Variants in FAM118A observed in about 807,000 individuals in gnomAD.
The protein encoded by FAM118A is SIR2 antiphage like 2.
In FAM118A, 25 loss-of-function variants were observed where a neutral mutation model predicts 38.2. That is an observed-to-expected ratio of 0.65 (90% CI 0.48 to 0.91). FAM118A has a LOEUF of 0.91. Among genes scored for constraint, FAM118A ranks in the 40% least tolerant of loss-of-function variants. FAM118A has a pLI of 0.00. For missense variants in FAM118A, 425 were observed against 463.3 expected, an observed-to-expected ratio of 0.92 and a Z score of 0.76; for synonymous variants, 178 against 184.1, an observed-to-expected ratio of 0.97 and a Z score of 0.27.
At chr22:45,315,029 C>A (rs189981780) in intron 1 of FAM118A, among the ~76,000 whole-genome samples, 1 of 152,176 alleles carries the variant, frequency 6.6e-6, no homozygotes, top group African/African-American at 2.4e-5. Context: ...TGAGATAGTG[C>A]GTGTAAAACG....
chr22:45,336,533 C>G (rs1569157395), intron 8 of FAM118A, 122 bp downstream of exon 8: 3 of 699,326 alleles, frequency 4.3e-6, no homozygotes, highest in East Asian at 2.8e-5. Flanking sequence ...TGCATACGTT[C>G]TGTCAGGGCC....
chr22:45,323,827 G>GA, intron 3 of FAM118A, among the ~76,000 whole-genome samples: 1 of 152,354 alleles, frequency 6.6e-6, no homozygotes, highest in South Asian at 2.1e-4. Context: ...GAAGATGGGA[G>GA]AAGTTCCAGC....
chr22:45,317,835 G>A lies in FAM118A; in HGVS notation c.-9-4536G>A, dbSNP rs374985804. 3.9e-5 allele frequency among the ~76,000 whole-genome samples: 6 copies of A among 152,308 alleles called. No homozygotes were observed. The East Asian group carries it at 5.8e-4, about 15-fold the overall frequency. The stretch of plus-strand genomic sequence containing the variant: ...GAGCTCTGCAGGGCAGAATTCCACC[G>A]GGACAGGCTCTGTCGTAAAGGGTGT... On this transcript the variant is annotated intron_variant, in intron 1 of 8. Transcript: ENST00000441876.
At chr22:45,310,991 T>C (rs530436186) in intron 1 of FAM118A, among the ~76,000 whole-genome samples, 1 of 152,312 alleles carries the variant, frequency 6.6e-6, no homozygotes, top group East Asian at 1.9e-4. Flanking sequence ...CGGTCCCTGC[T>C]GTCAGGGCCT....
intron 3 of FAM118A, among the ~76,000 whole-genome samples, chr22:45,323,722 A>G (rs931441945): frequency 2.6e-5 from 4 of 152,218 alleles, no homozygotes; most frequent in Admixed American, 6.5e-5. Context: ...TTGTGATTGT[A>G]TATTCACTTA....
intron 1 of FAM118A, among the ~76,000 whole-genome samples, chr22:45,320,139 T>G (rs1164067156): frequency 6.6e-6 from 1 of 152,210 alleles, no homozygotes; most frequent in Non-Finnish European, 1.5e-5. Context: ...TGGCTGGGTG[T>G]GTGTGTGTGA....
intron 6 of FAM118A, among the ~76,000 whole-genome samples, chr22:45,333,146 T>C (rs1434718487): frequency 6.6e-6 from 1 of 152,224 alleles, no homozygotes; most frequent in Non-Finnish European, 1.5e-5. Context: ...CAGTCTTCGT[T>C]ATTATTTTTT....
At chr22:45,323,075 G>T in intron 2 of FAM118A, 100 bp from the exon 3 acceptor site, 1 of 1,275,684 alleles carries the variant, frequency 7.8e-7, no homozygotes, top group Non-Finnish European at 1.1e-6. Context: ...GTGTGTGTGT[G>T]TACACAGCAC....
intron 3 of FAM118A, 71 bp from the exon 4 acceptor site, chr22:45,327,771 A>C: frequency 6.7e-7 from 1 of 1,497,546 alleles, no homozygotes; most frequent in Non-Finnish European, 9.2e-7. Context: ...CACCCAGAAA[A>C]TGGCCTGCTT....
chr22:45,340,425 G>A lies in FAM118A; in HGVS notation c.*20G>A. The A allele has an allele frequency of 1.9e-6, 3 of 1,614,030 alleles. No homozygotes were observed. Among genetic ancestry groups the A allele is most frequent in the South Asian group, 1.1e-5 (1 of 91,072 alleles). On this transcript the variant is annotated 3_prime_UTR_variant, in exon 9 of 9. Transcript: ENST00000441876. Reference sequence around the variant, plus strand: ...TCTTGAAATCTTTACAGTAAAACCTGCAACTTGAAAACTAGCCTTCTGTAA... The same window carrying A: ...TCTTGAAATCTTTACAGTAAAACCTACAACTTGAAAACTAGCCTTCTGTAA...
chr22:45,313,463 C>T (rs888193178), intron 1 of FAM118A, among the ~76,000 whole-genome samples: 2 of 151,794 alleles, frequency 1.3e-5, no homozygotes, highest in African/African-American at 2.4e-5. Context: ...GCTGGGATTA[C>T]AGGCGCCTGC....
intron 1 of FAM118A, 110 bp from the exon 2 acceptor site, chr22:45,322,261 A>T: frequency 6.4e-7 from 1 of 1,573,118 alleles, no homozygotes; most frequent in Non-Finnish European, 8.7e-7. Context: ...TAATTTAAGT[A>T]AAGATTGAGG....
chr22:45,334,696 CCAGA>C (rs1337937802), intron 6 of FAM118A, among the ~76,000 whole-genome samples: 1 of 152,152 alleles, frequency 6.6e-6, no homozygotes, highest in Non-Finnish European at 1.5e-5. Context: ...CATAACGTGC[CCAGA>C]CATTTTGAAG....
intron 4 of FAM118A, chr22:45,328,629 T>C: frequency 1.8e-6 from 1 of 542,444 alleles, no homozygotes; most frequent in Non-Finnish European, 3.1e-6. Context: ...AGACCCTTTC[T>C]CTTAAAAAAA....
Position 45,332,446 on chromosome 22 carries a change from C to T in FAM118A, c.673C>T (p.Arg225Cys), listed in dbSNP as rs759548954. 1.1e-5 allele frequency: 18 copies of T among 1,613,320 alleles called. No individual in the cohort carries two copies. Among genetic ancestry groups the T allele is most frequent in the East Asian group, 2.2e-5 (1 of 44,882 alleles). The change falls in exon 6 of 9, where the codon CGC (arginine) becomes TGC (cysteine). Residue 225 changes from arginine (R) to cysteine (C), a missense_variant. By Grantham distance (180) the Arg-to-Cys change is radical. Transcript: ENST00000441876. ...EVMEVLQNLY[R>C]TKSFLFVGCG... The stretch of plus-strand genomic sequence containing the variant: ...CTAGGAAGTCCTCCAGAACTTATAC[C>T]GCACCAAGTCCTTTCTGTTTGTGGG...
intron 4 of FAM118A, among the ~76,000 whole-genome samples, chr22:45,330,217 C>T (rs2085606649): frequency 6.6e-6 from 1 of 151,994 alleles, no homozygotes; most frequent in East Asian, 1.9e-4. Context: ...TCCTTTTTTT[C>T]CACCCTGAGA....
At position 45,320,949 on chromosome 22, in the gene FAM118A, G is replaced by A. The variant is rs117629151; in HGVS notation, c.-9-1422G>A. On this transcript the variant is annotated intron_variant, in intron 1 of 8. Coordinates refer to ENST00000441876, the MANE Select transcript of FAM118A (RefSeq NM_017911.4). Reference sequence around the variant, plus strand: ...TGTGCACTAAGTCGGTGGTCAGGGTGTTATACTAACATTCTGCATCAGACA... The same window carrying A: ...TGTGCACTAAGTCGGTGGTCAGGGTATTATACTAACATTCTGCATCAGACA... 8.7e-3 allele frequency among the ~76,000 whole-genome samples: 1,323 copies of A among 152,046 alleles called. 5 individuals are homozygous for A. Among genetic ancestry groups the A allele is most frequent in the Non-Finnish European group, 0.015 (1,027 of 68,018 alleles).
At chr22:45,339,609 G>A (rs991496220) in intron 8 of FAM118A, among the ~76,000 whole-genome samples, 8 of 152,234 alleles carry the variant, frequency 5.3e-5, no homozygotes, top group Non-Finnish European at 2.9e-5. Flanking sequence ...TTCCTCCGGG[G>A]TAGGTGGTTC....
At chr22:45,327,777 T>C in intron 3 of FAM118A, 65 bp from the exon 4 acceptor site, 1 of 1,541,122 alleles carries the variant, frequency 6.5e-7, no homozygotes, top group South Asian at 1.1e-5. Flanking sequence ...GAAAATGGCC[T>C]GCTTAGGTGC....
Sources: allele counts gnomAD v4.1 joint callset (sites outside exome capture counted in the v4.1 genomes callset), GRCh38; gene constraint gnomAD v4.1.1; transcripts MANE v1.5; gene names NCBI Gene and HGNC (gene_info 2026-07-23, HGNC 2026-07-21).